COL9A1: variants seen among roughly 807,000 people sequenced by gnomAD.
COL9A1 encodes the protein collagen alpha-1(IX) chain.
Under a neutral mutation model 142.6 loss-of-function variants are expected in COL9A1, and 104 were observed. The ratio of observed to expected loss-of-function variants is 0.73; its 90% CI spans 0.62 to 0.86. The LOEUF is 0.86. COL9A1 is among the 40% of genes least tolerant of loss of function. COL9A1 has a pLI of 0.00. For missense variants in COL9A1, 1,210 were observed against 1,176.6 expected, an observed-to-expected ratio of 1.03 and a Z score of -0.42; for synonymous variants, 466 against 396.0, an observed-to-expected ratio of 1.18 and a Z score of -2.10.
intron 7 of COL9A1, 118 bp downstream of exon 7, chr6:70,282,780 G>T: frequency 6.8e-7 from 1 of 1,471,548 alleles, no homozygotes; most frequent in Non-Finnish European, 9.4e-7. Flanking sequence ...TGGAGGAAGC[G>T]CGGGTCTGAG....
At chr6:70,231,231 G>A (rs1769519542) in intron 36 of COL9A1, among the ~76,000 whole-genome samples, 2 of 152,128 alleles carry the variant, frequency 1.3e-5, no homozygotes, top group Non-Finnish European at 2.9e-5. Flanking sequence ...AGGCCAGGTC[G>A]TCATGATCCA....
intron 10 of COL9A1, 189 bp downstream of exon 10, chr6:70,280,623 C>T: frequency 7.7e-7 from 1 of 1,295,814 alleles, no homozygotes; most frequent in East Asian, 2.5e-5. Flanking sequence ...GTATCCTCAC[C>T]TTCACAAGTC....
At position 70,300,187 on chromosome 6, in the gene COL9A1, G is replaced by T; in HGVS notation, c.167-12C>A. 1 of 1,613,322 alleles carries T rather than the reference G, an allele frequency of 6.2e-7. No homozygotes were observed. Among genetic ancestry groups the T allele is most frequent in the Non-Finnish European group, 8.5e-7 (1 of 1,179,696 alleles). ...GATCAGATCAAACCCTATAGAATGG[G>T]AATACAAAATGAAAAGTCTAAAATG... On this transcript the variant is annotated splice_polypyrimidine_tract_variant and intron_variant, in intron 3 of 37. Coordinates refer to ENST00000357250, the MANE Select transcript of COL9A1 (RefSeq NM_001851.6).
intron 28 of COL9A1, among the ~76,000 whole-genome samples, chr6:70,248,716 C>A (rs1003966216): frequency 6.6e-6 from 1 of 152,098 alleles, no homozygotes; most frequent in East Asian, 1.9e-4. Context: ...GGATTTATTA[C>A]GCCTCCGATT....
chr6:70,234,404 T>C, intron 35 of COL9A1, 135 bp downstream of exon 35: 1 of 860,182 alleles, frequency 1.2e-6, no homozygotes, highest in Non-Finnish European at 1.9e-6. Flanking sequence ...GAATTGGCAT[T>C]AATATTACCC....
chr6:70,222,510 G>T (rs1044184781), intron 37 of COL9A1, among the ~76,000 whole-genome samples: 2 of 152,100 alleles, frequency 1.3e-5, no homozygotes, highest in Non-Finnish European at 2.9e-5. Context: ...TCAATGTAAA[G>T]GTTATAATAA....
intron 4 of COL9A1, among the ~76,000 whole-genome samples, chr6:70,295,328 C>G (rs1773813986): frequency 7.8e-6 from 1 of 128,930 alleles, no homozygotes. Context: ...ACTTTGTTGC[C>G]CAGGCTGGAG....
At position 70,241,446 on chromosome 6, in the gene COL9A1, G is replaced by A. The variant is rs752045085; in HGVS notation, c.2007C>T (p.Val669=). Residue 669 remains valine, a synonymous_variant, in exon 31 of 38, where the codon GTC becomes GTT. Coordinates refer to ENST00000357250, the MANE Select transcript of COL9A1 (RefSeq NM_001851.6). The part of the protein sequence containing the change: ...LPGMKGDRGV[V]GEPGPKGEQG... ...GTTCACCCTTTGGACCCGGTTCACC[G>A]ACTACACCCTGTAATAAATAAAATA... 39 of 1,609,750 alleles carry A rather than the reference G, an allele frequency of 2.4e-5. No individual in the cohort carries two copies. The highest frequency in any genetic ancestry group is 1.7e-4 in the Middle Eastern group (1 of 6,050).
At position 70,281,443 on chromosome 6, in the gene COL9A1, C is replaced by A; in HGVS notation, c.823G>T (p.Gly275Cys). The A allele has an allele frequency of 1.2e-6, 2 of 1,612,958 alleles. No homozygotes were observed. Among genetic ancestry groups the A allele is most frequent in the South Asian group, 2.2e-5 (2 of 90,918 alleles). The change falls in exon 8 of 38, where the codon GGT becomes TGT. Residue 275 changes from glycine (G) to cysteine (C), a missense_variant. Coordinates refer to ENST00000357250, the MANE Select transcript of COL9A1 (RefSeq NM_001851.6). ...TDERGPPGEQ[G>C]PPGPPGPPGV... Reference sequence around the variant, plus strand: ...GGGGGGCCCGGAGGCCCGGGAGGACCCTGCTCACCCGGGGGACCTCTCTGG... The same window carrying A: ...GGGGGGCCCGGAGGCCCGGGAGGACACTGCTCACCCGGGGGACCTCTCTGG...
chr6:70,225,365 G>A (rs1769163192), intron 37 of COL9A1, among the ~76,000 whole-genome samples: 1 of 152,088 alleles, frequency 6.6e-6, no homozygotes, highest in African/African-American at 2.4e-5. Context: ...TTCACACAAG[G>A]GCTACCCTGT....
At chr6:70,280,121 A>G (rs1206706693) in intron 10 of COL9A1, 1 of 560,756 alleles carries the variant, frequency 1.8e-6, no homozygotes, top group South Asian at 3.1e-5. Flanking sequence ...TAGGTTTACC[A>G]TATAAGTCAG....
At chr6:70,242,638 A>T in intron 29 of COL9A1, 24 bp downstream of exon 29, 3 of 1,610,398 alleles carry the variant, frequency 1.9e-6, no homozygotes, top group Non-Finnish European at 2.5e-6. Flanking sequence ...GTAGAAGGCA[A>T]ATAAACGAAA....
chr6:70,298,949 T>A (rs1376258554), intron 4 of COL9A1, among the ~76,000 whole-genome samples: 3 of 152,264 alleles, frequency 2.0e-5, no homozygotes, highest in Admixed American at 1.3e-4. Context: ...GATTCAGTCC[T>A]TCCAGCACAT....
intron 37 of COL9A1, among the ~76,000 whole-genome samples, chr6:70,221,510 C>T (rs1048398823): frequency 3.9e-5 from 6 of 152,218 alleles, no homozygotes; most frequent in Middle Eastern, 3.4e-3. Flanking sequence ...TGAATGTGTG[C>T]GTGTGTATTT....
chr6:70,277,750 A>AG (rs1772863448), intron 10 of COL9A1, among the ~76,000 whole-genome samples: 1 of 152,242 alleles, frequency 6.6e-6, no homozygotes, highest in South Asian at 2.1e-4. Context: ...AACACTGAAC[A>AG]GGGTTCCTTT....
intron 28 of COL9A1, among the ~76,000 whole-genome samples, chr6:70,247,814 T>C (rs1055754830): frequency 4.6e-5 from 7 of 152,126 alleles, no homozygotes; most frequent in African/African-American, 1.4e-4. Flanking sequence ...AAAAAATCTG[T>C]CCAAACTCTA....
At chr6:70,238,862 G>A (rs886953016) in intron 33 of COL9A1, among the ~76,000 whole-genome samples, 8 of 152,202 alleles carry the variant, frequency 5.3e-5, no homozygotes, top group Non-Finnish European at 8.8e-5. Context: ...GTGTTGGCCG[G>A]GTGTGGTGGC....
At chr6:70,264,513 A>C (rs1348959299) in intron 18 of COL9A1, among the ~76,000 whole-genome samples, 3 of 152,064 alleles carry the variant, frequency 2.0e-5, no homozygotes, top group Non-Finnish European at 1.5e-5. Flanking sequence ...TGGCACAGAT[A>C]ATCATCATGT....
At chr6:70,271,556 G>C in intron 14 of COL9A1, 99 bp downstream of exon 14, 1 of 1,000,276 alleles carries the variant, frequency 1.0e-6, no homozygotes, top group Admixed American at 1.8e-5. Flanking sequence ...CCATGTTTTG[G>C]TTTGCAAGTG....
Sources: allele counts gnomAD v4.1 joint callset (sites outside exome capture counted in the v4.1 genomes callset), GRCh38; gene constraint gnomAD v4.1.1; transcripts MANE v1.5; gene names NCBI Gene and HGNC (gene_info 2026-07-23, HGNC 2026-07-21).